SLCO5A1: variants seen among roughly 807,000 people sequenced by gnomAD.
SLCO5A1 encodes solute carrier organic anion transporter family member 5A1, also known as organic anion transporter polypeptide-related protein 4.
A neutral mutation model predicts 65.1 loss-of-function variants in SLCO5A1; 39 were observed. The observed-to-expected ratio is 0.60, with a 90% CI of 0.46 to 0.78. The LOEUF (loss-of-function observed/expected upper bound fraction) is 0.78, where lower values mean the gene tolerates loss of function less well. Ranked by LOEUF, SLCO5A1 falls within the 30% of genes least tolerant of loss-of-function variation. The pLI, the probability that SLCO5A1 is intolerant of heterozygous loss-of-function variation, is 0.00. For missense variants in SLCO5A1, 1,029 were observed against 1,069.4 expected, an observed-to-expected ratio of 0.96 and a Z score of 0.53; for synonymous variants, 438 against 415.7, an observed-to-expected ratio of 1.05 and a Z score of -0.65.
intron 9 of SLCO5A1, among the ~76,000 whole-genome samples, chr8:69,674,106 C>G (rs559963284): frequency 6.6e-6 from 1 of 152,280 alleles, no homozygotes; most frequent in African/African-American, 2.4e-5. Context: ...ATCTATGCCC[C>G]CTTTAAATTC....
At chr8:69,673,933 A>C (rs1269183357) in intron 9 of SLCO5A1, among the ~76,000 whole-genome samples, 2 of 152,208 alleles carry the variant, frequency 1.3e-5, no homozygotes, top group Admixed American at 1.3e-4. Flanking sequence ...TCATCTTTGA[A>C]GTTTGTGAAA....
intron 2 of SLCO5A1, among the ~76,000 whole-genome samples, chr8:69,764,066 C>T (rs535917661): frequency 7.6e-4 from 115 of 152,200 alleles, no homozygotes; most frequent in African/African-American, 2.6e-3. Context: ...GGTTTTACCA[C>T]GTTGGCCATA....
At chr8:69,686,831 C>T (rs576722936) in intron 6 of SLCO5A1, among the ~76,000 whole-genome samples, 5 of 152,260 alleles carry the variant, frequency 3.3e-5, no homozygotes, top group Admixed American at 1.3e-4. Flanking sequence ...CAGTTTTTCT[C>T]GCACTCTGCT....
intron 2 of SLCO5A1, among the ~76,000 whole-genome samples, chr8:69,786,092 A>G (rs1457281127): frequency 1.3e-5 from 2 of 152,184 alleles, no homozygotes; most frequent in African/African-American, 4.8e-5. Flanking sequence ...TGATATAGTT[A>G]TTATGTAATA....
chr8:69,785,959 TG>T (rs1819028473), intron 2 of SLCO5A1, among the ~76,000 whole-genome samples: 1 of 152,246 alleles, frequency 6.6e-6, no homozygotes, highest in Non-Finnish European at 1.5e-5. Flanking sequence ...ATTATAGAGA[TG>T]TTTGCATAAA....
chr8:69,716,857 G>T (rs866196264), intron 5 of SLCO5A1, among the ~76,000 whole-genome samples: 3 of 150,274 alleles, frequency 2.0e-5, no homozygotes, highest in Non-Finnish European at 2.9e-5. Context: ...ATGGCTCACT[G>T]TAGTCGCAAT....
At chr8:69,733,807 T>C (rs1816438637) in intron 5 of SLCO5A1, among the ~76,000 whole-genome samples, 1 of 152,242 alleles carries the variant, frequency 6.6e-6, no homozygotes, top group Admixed American at 6.5e-5. Context: ...CATGCAGAAC[T>C]GTAAGTCAAA....
At chr8:69,782,136 G>A (rs1378511852) in intron 2 of SLCO5A1, among the ~76,000 whole-genome samples, 2 of 152,052 alleles carry the variant, frequency 1.3e-5, no homozygotes, top group Non-Finnish European at 1.5e-5. Context: ...AAACCTAGAT[G>A]ATGGGTTGAT....
chr8:69,750,475 G>A (rs1017563494), intron 4 of SLCO5A1, among the ~76,000 whole-genome samples: 7 of 152,092 alleles, frequency 4.6e-5, no homozygotes, highest in Middle Eastern at 3.4e-3. Flanking sequence ...TAGAACTCAC[G>A]CTCTCCACCA....
At chr8:69,714,432 C>CAGT (rs1344130244) in intron 5 of SLCO5A1, among the ~76,000 whole-genome samples, 1 of 152,176 alleles carries the variant, frequency 6.6e-6, no homozygotes, top group Non-Finnish European at 1.5e-5. Flanking sequence ...GAAGAACTTA[C>CAGT]AGTAAGTTCT....
intron 2 of SLCO5A1, among the ~76,000 whole-genome samples, chr8:69,820,082 C>T (rs1405082619): frequency 6.6e-6 from 1 of 152,276 alleles, no homozygotes; most frequent in Non-Finnish European, 1.5e-5. Context: ...CTCCTCTCAC[C>T]TGTCTTCCTC....
intron 2 of SLCO5A1, among the ~76,000 whole-genome samples, chr8:69,775,159 A>C (rs1818508209): frequency 6.6e-6 from 1 of 152,216 alleles, no homozygotes; most frequent in South Asian, 2.1e-4. Context: ...AGAGGGGAAG[A>C]GGGTTTCAGT....
At chr8:69,736,256 G>A (rs527310319) in intron 5 of SLCO5A1, among the ~76,000 whole-genome samples, 19 of 152,308 alleles carry the variant, frequency 1.2e-4, no homozygotes, top group Non-Finnish European at 1.9e-4. Context: ...GTCTGCAGCC[G>A]TCACCCCAGC....
rs749877533 is a variant in SLCO5A1, at chr8:69,799,533, T to C, written c.907+32234A>G. Among the ~76,000 whole-genome samples, 43 of 152,230 alleles carry C rather than the reference T, an allele frequency of 2.8e-4. 1 individual carries two copies. The highest frequency in any genetic ancestry group is 5.4e-4 in the Non-Finnish European group (37 of 68,044). On this transcript the variant is annotated intron_variant, in intron 2 of 9. Transcript: ENST00000260126. Reference sequence around the variant, plus strand: ...GTCCATAATATTCTCTTGATTCCTATAAAGGTTGTATTTGTCCATTCTCCC... The same window carrying C: ...GTCCATAATATTCTCTTGATTCCTACAAAGGTTGTATTTGTCCATTCTCCC...
intron 8 of SLCO5A1, among the ~76,000 whole-genome samples, chr8:69,677,696 C>T (rs1813606148): frequency 6.6e-6 from 1 of 152,206 alleles, no homozygotes; most frequent in South Asian, 2.1e-4. Context: ...TACTATCTGG[C>T]TGTCAAGGAA....
chr8:69,794,502 T>C, intron 2 of SLCO5A1: 1 of 406,746 alleles, frequency 2.5e-6, no homozygotes, highest in South Asian at 2.2e-5. Flanking sequence ...TCAGGTTCTT[T>C]TCTGATGAGC....
At chr8:69,830,190 C>T (rs892053260) in intron 2 of SLCO5A1, among the ~76,000 whole-genome samples, 1 of 152,040 alleles carries the variant, frequency 6.6e-6, no homozygotes, top group African/African-American at 2.4e-5. Context: ...ACTCAAACAC[C>T]CCTCTATAAC....
intron 2 of SLCO5A1, among the ~76,000 whole-genome samples, chr8:69,810,465 A>T (rs2130910932): frequency 6.6e-6 from 1 of 152,322 alleles, no homozygotes; most frequent in East Asian, 1.9e-4. Flanking sequence ...CACAGTAAAG[A>T]CAGAAGAAAG....
chr8:69,704,962 A>T, intron 6 of SLCO5A1, 69 bp downstream of exon 6: 2 of 1,437,360 alleles, frequency 1.4e-6, no homozygotes, highest in Non-Finnish European at 1.9e-6. Flanking sequence ...CTGACTGCAG[A>T]TGCACAAACA....
Sources: gnomAD v4.1 joint callset for allele counts (sites outside exome capture counted in the v4.1 genomes callset) on GRCh38, gnomAD v4.1.1 for gene constraint, MANE v1.5 for transcripts, NCBI Gene and HGNC (gene_info 2026-07-23, HGNC 2026-07-21) for gene names.